The following CLSTN2 variants were observed in gnomAD, a reference collection of about 807,000 sequenced individuals.
The protein encoded by CLSTN2 is calsyntenin-2.
CLSTN2 carries 48 observed loss-of-function variants against 101.2 expected under a neutral mutation model. The observed-to-expected ratio is 0.47, with a 90% confidence interval of 0.38 to 0.60. The LOEUF is 0.60. CLSTN2 is among the 20% of genes least tolerant of loss of function. The pLI is 0.00. For synonymous variants in CLSTN2, 481 were observed against 463.6 expected (o/e 1.04, Z -0.48); for missense variants, 1,160 against 1,238.2 (o/e 0.94, Z 0.95).
At chr3:140,466,462 T>C (rs1461310555) in intron 7 of CLSTN2, 148 bp from the exon 8 acceptor site, 6 of 907,412 alleles carry the variant, frequency 6.6e-6, no homozygotes, top group Non-Finnish European at 1.0e-5. Flanking sequence ...GTTATAGAAC[T>C]ATCATCAGAG....
intron 8 of CLSTN2, among the ~76,000 whole-genome samples, chr3:140,495,870 T>C (rs1447123000): frequency 9.2e-5 from 14 of 152,220 alleles, no homozygotes; most frequent in Admixed American, 9.2e-4. Context: ...ACTGTACCCT[T>C]GTAGTATAGT....
chr3:140,537,460 G>A (rs553923497), intron 9 of CLSTN2, among the ~76,000 whole-genome samples: 1 of 152,192 alleles, frequency 6.6e-6, no homozygotes, highest in African/African-American at 2.4e-5. Flanking sequence ...TCTCTCAATT[G>A]TAGGGAAAGG....
chr3:140,434,800 T>G (rs2088670276), intron 5 of CLSTN2, among the ~76,000 whole-genome samples: 1 of 152,226 alleles, frequency 6.6e-6, no homozygotes, highest in South Asian at 2.1e-4. Flanking sequence ...AGAAGGGTTT[T>G]GGAGAAAGGT....
intron 2 of CLSTN2, among the ~76,000 whole-genome samples, chr3:140,293,027 C>T (rs1447069115): frequency 6.6e-6 from 1 of 152,168 alleles, no homozygotes; most frequent in Admixed American, 6.5e-5. Context: ...GACCTCAGAA[C>T]CAGAGTGGCA....
At chr3:140,132,864 G>A (rs544393488) in intron 1 of CLSTN2, among the ~76,000 whole-genome samples, 4 of 152,198 alleles carry the variant, frequency 2.6e-5, no homozygotes, top group African/African-American at 9.6e-5. Flanking sequence ...GATTTGTTTT[G>A]TCTAAGATAT....
chr3:140,132,373 C>G (rs891091307), intron 1 of CLSTN2, among the ~76,000 whole-genome samples: 4 of 152,008 alleles, frequency 2.6e-5, no homozygotes, highest in East Asian at 1.9e-4. Flanking sequence ...ATACATCTTC[C>G]AAAAATATTT....
intron 2 of CLSTN2, among the ~76,000 whole-genome samples, chr3:140,291,362 G>A (rs1329778934): frequency 6.6e-6 from 1 of 151,808 alleles, no homozygotes; most frequent in Admixed American, 6.6e-5. Flanking sequence ...ACCAGTAAAT[G>A]ACCTGATGCT....
intron 2 of CLSTN2, among the ~76,000 whole-genome samples, chr3:140,281,777 AGAG>A (rs2086850024): frequency 7.8e-6 from 1 of 127,394 alleles, no homozygotes; most frequent in Non-Finnish European, 1.7e-5. Context: ...AGAGAGAGAG[AGAG>A]GAGCCTGAAA....
intron 2 of CLSTN2, among the ~76,000 whole-genome samples, chr3:140,195,959 G>A (rs2010637803): frequency 6.6e-6 from 1 of 152,208 alleles, no homozygotes; most frequent in Admixed American, 6.5e-5. Context: ...GAGCTTATAT[G>A]AATAAACAAA....
intron 2 of CLSTN2, among the ~76,000 whole-genome samples, chr3:140,350,825 A>G (rs2087597981): frequency 6.6e-6 from 1 of 152,186 alleles, no homozygotes; most frequent in Non-Finnish European, 1.5e-5. Flanking sequence ...GATGCTTGAG[A>G]TGGAGGAAGT....
At chr3:140,419,281 G>A (rs945464679) in intron 4 of CLSTN2, among the ~76,000 whole-genome samples, 27 of 150,092 alleles carry the variant, frequency 1.8e-4, no homozygotes, top group Non-Finnish European at 3.1e-4. Context: ...TCACGAGTTC[G>A]AGACCAGCCT....
intron 1 of CLSTN2, among the ~76,000 whole-genome samples, chr3:140,032,187 A>G (rs745888898): frequency 2.6e-5 from 4 of 152,012 alleles, no homozygotes; most frequent in Non-Finnish European, 4.4e-5. Context: ...AGACCCATAC[A>G]TTTACTCACA....
At chr3:140,052,275 C>A (rs2008011624) in intron 1 of CLSTN2, among the ~76,000 whole-genome samples, 1 of 152,220 alleles carries the variant, frequency 6.6e-6, no homozygotes, top group African/African-American at 2.4e-5. Flanking sequence ...TCTTCTGCCT[C>A]AGCCTCCCGA....
intron 2 of CLSTN2, among the ~76,000 whole-genome samples, chr3:140,317,956 G>T (rs988472632): frequency 6.6e-6 from 1 of 152,160 alleles, no homozygotes; most frequent in Non-Finnish European, 1.5e-5. Flanking sequence ...TATCAATAGT[G>T]CCCGCTGGTG....
At chr3:140,180,359 T>C (rs573947915) in intron 2 of CLSTN2, among the ~76,000 whole-genome samples, 3 of 152,194 alleles carry the variant, frequency 2.0e-5, no homozygotes, top group Non-Finnish European at 4.4e-5. Context: ...ATTAGTAAAG[T>C]GCTGATGCTC....
intron 2 of CLSTN2, among the ~76,000 whole-genome samples, chr3:140,193,694 A>T (rs1292717931): frequency 6.6e-6 from 1 of 152,020 alleles, no homozygotes; most frequent in Non-Finnish European, 1.5e-5. Flanking sequence ...CCAAATATGG[A>T]AAGTTTTAGC....
intron 1 of CLSTN2, among the ~76,000 whole-genome samples, chr3:140,019,563 T>G (rs1017037411): frequency 1.3e-5 from 2 of 152,224 alleles, no homozygotes; most frequent in South Asian, 4.1e-4. Flanking sequence ...GATGGCATAG[T>G]TGGGTATTTT....
chr3:140,226,427 C>A (rs2086320584), intron 2 of CLSTN2, among the ~76,000 whole-genome samples: 1 of 152,000 alleles, frequency 6.6e-6, no homozygotes, highest in Non-Finnish European at 1.5e-5. Flanking sequence ...GTGTTTAAAT[C>A]TATAATTACA....
intron 1 of CLSTN2, among the ~76,000 whole-genome samples, chr3:140,046,026 A>G (rs976068981): frequency 1.3e-5 from 2 of 152,194 alleles, no homozygotes; most frequent in Non-Finnish European, 2.9e-5. Flanking sequence ...GTAAATGTCT[A>G]TTAGGTCCGC....
Sources: allele counts gnomAD v4.1 joint callset (sites outside exome capture counted in the v4.1 genomes callset), GRCh38; gene constraint gnomAD v4.1.1; transcripts MANE v1.5; gene names NCBI Gene and HGNC (gene_info 2026-07-23, HGNC 2026-07-21).